FBN2: variants seen among roughly 807,000 people sequenced by gnomAD.
FBN2 encodes the protein fibrillin 2.
FBN2 carries 105 observed loss-of-function variants against 355.6 expected under a neutral mutation model. That is an observed-to-expected ratio of 0.30 (90% CI 0.25 to 0.35). The LOEUF is 0.35. Ranked by LOEUF, FBN2 falls within the 10% of genes least tolerant of loss-of-function variation. The pLI, the probability that FBN2 is intolerant of heterozygous loss-of-function variation, is 1.00. For missense variants in FBN2, 3,280 were observed against 3,758.7 expected, an observed-to-expected ratio of 0.87 and a Z score of 3.33; for synonymous variants, 1,350 against 1,301.2, an observed-to-expected ratio of 1.04 and a Z score of -0.81.
rs375316758 is a variant in FBN2, at chr5:128,272,017, G to T, written c.7942C>A (p.Gln2648Lys). 259 of 1,613,912 alleles carry T rather than the reference G, an allele frequency of 1.6e-4. No homozygotes were observed. The highest frequency in any genetic ancestry group is 2.1e-4 in the Non-Finnish European group (243 of 1,179,958). Residue 2648 changes from glutamine (Q) to lysine (K), a missense_variant, in exon 62 of 65, where the codon CAG becomes AAG. This residue lies in a region of FBN2 where 9 missense variants were observed against 27.1 expected (regional missense o/e 0.33). Coordinates refer to ENST00000262464, the MANE Select transcript of FBN2 (RefSeq NM_001999.4). Reference protein sequence around the residue: ...GCPQGYIQHYQWNQCVDENEC... With the variant: ...GCPQGYIQHYKWNQCVDENEC... ...CACTCACCGACACACTGATTCCACT[G>T]GTAGTGCTGGATGTAGCCTTGGGGG...
intron 18 of FBN2, among the ~76,000 whole-genome samples, chr5:128,362,401 A>G (rs1232405734): frequency 6.6e-6 from 1 of 152,224 alleles, no homozygotes; most frequent in Non-Finnish European, 1.5e-5. Flanking sequence ...ATACTCTTTT[A>G]GCAGTCCAGA....
intron 8 of FBN2, among the ~76,000 whole-genome samples, chr5:128,407,972 A>T (rs1752974397): frequency 6.6e-6 from 1 of 152,188 alleles, no homozygotes; most frequent in Admixed American, 6.5e-5. Context: ...GCACTACATG[A>T]ATCTTTAGTG....
intron 20 of FBN2, among the ~76,000 whole-genome samples, chr5:128,351,986 T>C (rs913671699): frequency 1.3e-5 from 2 of 152,180 alleles, no homozygotes; most frequent in Non-Finnish European, 2.9e-5. Flanking sequence ...TTTTATCGTA[T>C]AAAATCCTTT....
At chr5:128,431,150 T>C (rs1298303373) in intron 7 of FBN2, among the ~76,000 whole-genome samples, 1 of 152,208 alleles carries the variant, frequency 6.6e-6, no homozygotes, top group Admixed American at 6.5e-5. Context: ...TAGTTGGGAA[T>C]AAGTAAGGTA....
At chr5:128,271,005 CGTGGT>C (rs1224190153) in intron 62 of FBN2, among the ~76,000 whole-genome samples, 2 of 152,094 alleles carry the variant, frequency 1.3e-5, no homozygotes, top group Non-Finnish European at 2.9e-5. Context: ...AGTGTATATT[CGTGGT>C]GTGGTAAAGC....
intron 5 of FBN2, among the ~76,000 whole-genome samples, chr5:128,492,760 G>A (rs1025740502): frequency 7.7e-6 from 1 of 130,374 alleles, no homozygotes; most frequent in Non-Finnish European, 1.5e-5. Flanking sequence ...TCAAGATCGT[G>A]CCACTGCACT....
At chr5:128,385,175 G>A (rs1195953509) in intron 11 of FBN2, among the ~76,000 whole-genome samples, 1 of 152,098 alleles carries the variant, frequency 6.6e-6, no homozygotes, top group Non-Finnish European at 1.5e-5. Context: ...TAAGCCTAGT[G>A]CCTGATAGGT....
chr5:128,269,324 C>T (rs1765205690), intron 62 of FBN2, among the ~76,000 whole-genome samples: 1 of 148,162 alleles, frequency 6.7e-6, no homozygotes, highest in African/African-American at 2.5e-5. Flanking sequence ...AATAATTAAC[C>T]AGGCATGGTG....
In FBN2 at chr5:128,331,990, C is replaced by T. The variant is rs79515056; in HGVS notation, c.4222+922G>A. On this transcript the variant is annotated intron_variant, in intron 32 of 64. Coordinates refer to ENST00000262464, the MANE Select transcript of FBN2 (RefSeq NM_001999.4). ...CCTGGAAAGATGGCTGGACTAGAGG[C>T]TGGCACTTCACTAAGCCATTGCAGG... Among the ~76,000 whole-genome samples, 14 of 152,264 alleles carry T rather than the reference C, an allele frequency of 9.2e-5. No individual in the cohort carries two copies. In the East Asian group the frequency reaches 2.5e-3, roughly 27 times the overall value.
chr5:128,428,884 T>C (rs1753548414), intron 7 of FBN2, among the ~76,000 whole-genome samples: 1 of 152,170 alleles, frequency 6.6e-6, no homozygotes, highest in Non-Finnish European at 1.5e-5. Context: ...CTCCTAATCC[T>C]AAGGTCTCTC....
At chr5:128,433,136 C>T (rs1753668782) in intron 7 of FBN2, among the ~76,000 whole-genome samples, 1 of 152,028 alleles carries the variant, frequency 6.6e-6, no homozygotes, top group Admixed American at 6.6e-5. Flanking sequence ...CAAACCATAT[C>T]AGATGCCTTA....
At chr5:128,349,273 G>T in intron 23 of FBN2, 74 bp downstream of exon 23, 1 of 1,566,728 alleles carries the variant, frequency 6.4e-7, no homozygotes. Flanking sequence ...TTGTGGTTTT[G>T]GACTAGCCAC....
At chr5:128,518,709 G>C (rs924581593) in intron 5 of FBN2, among the ~76,000 whole-genome samples, 1 of 152,148 alleles carries the variant, frequency 6.6e-6, no homozygotes, top group Non-Finnish European at 1.5e-5. Flanking sequence ...CTTAGTGACT[G>C]CTGACAGCCA....
intron 38 of FBN2, 67 bp downstream of exon 38, chr5:128,311,818 T>G: frequency 4.1e-6 from 5 of 1,218,652 alleles, no homozygotes; most frequent in Non-Finnish European, 6.1e-6. Flanking sequence ...CTAGGTTTTC[T>G]GCCAGCTTTT....
rs767168823 is a variant in FBN2, at chr5:128,530,591, A to T, written c.436+4T>A. On this transcript the variant is annotated splice_donor_region_variant and intron_variant, in intron 3 of 64. Transcript: ENST00000262464. The stretch of plus-strand genomic sequence containing the variant: ...AGTGAAAAGGCCACAAGTAAGAAAC[A>T]TACTTGATTTTGATCCACAGGTTGA... 1 of 1,592,752 alleles carries T rather than the reference A, an allele frequency of 6.3e-7. No individual in the cohort carries two copies. The highest frequency in any genetic ancestry group is 1.7e-5 in the Admixed American group (1 of 59,952).
chr5:128,519,156 C>A (rs1186846965), intron 5 of FBN2, 117 bp downstream of exon 5: 6 of 774,888 alleles, frequency 7.7e-6, no homozygotes, highest in Non-Finnish European at 1.3e-5. Context: ...GAGACATAAT[C>A]AAAGAAGAGT....
intron 20 of FBN2, among the ~76,000 whole-genome samples, chr5:128,354,546 G>A (rs1200308211): frequency 6.6e-6 from 1 of 152,178 alleles, no homozygotes; most frequent in Non-Finnish European, 1.5e-5. Flanking sequence ...AGGAAAAGAA[G>A]GTAAGGTAGA....
chr5:128,517,435 C>A (rs898579703), intron 5 of FBN2, among the ~76,000 whole-genome samples: 1 of 152,102 alleles, frequency 6.6e-6, no homozygotes, highest in Non-Finnish European at 1.5e-5. Flanking sequence ...AATAATTTAT[C>A]TTTTTATGCT....
chr5:128,422,332 G>T (rs1753370713), intron 7 of FBN2, among the ~76,000 whole-genome samples: 1 of 152,152 alleles, frequency 6.6e-6, no homozygotes, highest in Non-Finnish European at 1.5e-5. Context: ...GGATTCTAGG[G>T]AACACAAGCA....
Sources: gnomAD v4.1 joint callset for allele counts (sites outside exome capture counted in the v4.1 genomes callset) on GRCh38, gnomAD v4.1.1 for gene constraint, gnomAD v4.1.1 regional missense constraint, MANE v1.5 for transcripts, NCBI Gene and HGNC (gene_info 2026-07-23, HGNC 2026-07-21) for gene names.